The following BTD variants were observed in gnomAD, a reference collection of about 807,000 sequenced individuals.
The protein encoded by BTD is biotinidase, also known as biocytinase.
Under a neutral mutation model 17.7 loss-of-function variants are expected in BTD, and 13 were observed. The ratio of observed to expected loss-of-function variants is 0.74; its 90% CI spans 0.48 to 1.17. The LOEUF is 1.17. Among genes scored for constraint, BTD ranks in the 50% most tolerant of loss-of-function variants. BTD has a pLI of 0.00. For missense variants in BTD, 674 were observed against 650.4 expected, an observed-to-expected ratio of 1.04 and a Z score of -0.39; for synonymous variants, 240 against 245.2, an observed-to-expected ratio of 0.98 and a Z score of 0.20.
In BTD at chr3:15,649,949, A is replaced by G. The variant is rs532981123; in HGVS notation, c.*4461A>G. 3.5e-4 allele frequency among the ~76,000 whole-genome samples: 54 copies of G among 152,308 alleles called. No homozygotes were observed. Among genetic ancestry groups the G allele is most frequent in the Non-Finnish European group, 4.7e-4 (32 of 68,022 alleles). On this transcript the variant is annotated 3_prime_UTR_variant, in exon 4 of 4. Transcript: ENST00000643237. Reference sequence around the variant, plus strand: ...GCCCTAAAGAAGGTTTGCTACAGCTATTTTACAGATGGGGAAAACTGACAG... The same window carrying G: ...GCCCTAAAGAAGGTTTGCTACAGCTGTTTTACAGATGGGGAAAACTGACAG...
At chr3:15,623,950 C>T (rs2065010952) in intron 1 of BTD, among the ~76,000 whole-genome samples, 1 of 152,194 alleles carries the variant, frequency 6.6e-6, no homozygotes, top group South Asian at 2.1e-4. Context: ...TCAGGTAGTT[C>T]TTTATAGCAG....
At chr3:15,606,871 G>A (rs1390717769) in intron 1 of BTD, 1 of 151,954 alleles carries the variant, frequency 6.6e-6, no homozygotes. Context: ...GGCTTTGAAT[G>A]CGGCCCAACA....
rs1010456478 is a variant in BTD, at chr3:15,652,288, T to C, written c.*6800T>C. 6.6e-6 allele frequency among the ~76,000 whole-genome samples: 1 copy of C among 152,114 alleles called. No individual in the cohort carries two copies. Among genetic ancestry groups the C allele is most frequent in the Non-Finnish European group, 1.5e-5 (1 of 68,010 alleles). On this transcript the variant is annotated 3_prime_UTR_variant, in exon 4 of 4. Transcript: ENST00000643237. ...TTACAATGAGCTGAGATAGCACCACTGCACTCCAGTCTGGGCAACAGAGCG... is the reference window on the plus strand; with the variant it reads ...TTACAATGAGCTGAGATAGCACCACCGCACTCCAGTCTGGGCAACAGAGCG...
chr3:15,653,808 C>A (rs2065841573), downstream of BTD, among the ~76,000 whole-genome samples: 1 of 152,216 alleles, frequency 6.6e-6, no homozygotes, highest in African/African-American at 2.4e-5. Flanking sequence ...CTCAAAAAAT[C>A]ACGTGTGAAA....
chr3:15,646,696 T>C lies in BTD; in HGVS notation c.*1208T>C, dbSNP rs1328513078. ...TTAAGTACAGAATGGATAATTAGTC[T>C]TCAGTGATTTGCCTCTTAAATGTGG... On this transcript the variant is annotated 3_prime_UTR_variant, in exon 4 of 4. Transcript: ENST00000643237. The C allele has an allele frequency of 2.0e-5, 3 of 152,258 alleles. No individual in the cohort carries two copies. Among genetic ancestry groups the C allele is most frequent in the Non-Finnish European group, 2.9e-5 (2 of 68,044 alleles). The allele number at this position is 152,258 out of a possible 1,614,324, so 9.4% of individuals were successfully genotyped here. A position where few individuals can be genotyped will look rare whatever the true frequency, so the allele number is the denominator to read the frequency against.
chr3:15,628,010 C>T (rs2065109348), intron 1 of BTD, among the ~76,000 whole-genome samples: 1 of 152,234 alleles, frequency 6.6e-6, no homozygotes, highest in African/African-American at 2.4e-5. Flanking sequence ...GCATGAGCCA[C>T]CATGCCCAGC....
intron 3 of BTD, among the ~76,000 whole-genome samples, chr3:15,660,572 G>T (rs1215565325): frequency 6.6e-6 from 1 of 152,176 alleles, no homozygotes; most frequent in Non-Finnish European, 1.5e-5. Context: ...TGTTGACACA[G>T]AAATTTACAG....
intron 1 of BTD, among the ~76,000 whole-genome samples, chr3:15,622,224 T>G (rs898913673): frequency 2.6e-5 from 4 of 152,208 alleles, no homozygotes; most frequent in Admixed American, 2.0e-4. Context: ...CTTCTTTTTC[T>G]AGTTTCTTGA....
At chr3:15,605,801 TG>T (rs1345049692) in intron 1 of BTD, among the ~76,000 whole-genome samples, 1 of 152,056 alleles carries the variant, frequency 6.6e-6, no homozygotes, top group African/African-American at 2.4e-5. Flanking sequence ...CCCAGCACTT[TG>T]GGAGGCCGAG....
chr3:15,644,539 A>T lies in BTD; in HGVS notation c.623A>T (p.Asp208Val). The T allele has an allele frequency of 1.2e-6, 2 of 1,614,034 alleles. No homozygotes were observed. The highest frequency in any genetic ancestry group is 1.1e-5 in the South Asian group (1 of 91,078). ...EAAFDVPLKV[D>V]LITFDTPFAG... ...GCATTCGATGTTCCTCTTAAAGTGG[A>T]TCTCATCACCTTTGATACCCCCTTT... The change falls in exon 4 of 4, where the codon GAT (aspartate) becomes GTT (valine). Residue 208 changes from aspartate (D) to valine (V), a missense_variant. Transcript: ENST00000643237.
rs116395353 is a variant in BTD at position 15,670,901 on chromosome 3, T to A, written c.399+28844T>A. ...ACATATCGTGAATATTCTTTCAGGA[T>A]GGTAGGCAGAGATTTACTGTTAATT... On this transcript the variant is annotated intron_variant, in intron 3 of 3. Coordinates refer to the BTD transcript ENST00000672141. Among the ~76,000 whole-genome samples the A allele has an allele frequency of 4.4e-3, 666 of 152,350 alleles. 6 individuals carry two copies. The highest frequency in any genetic ancestry group is 0.015 in the African/African-American group (618 of 41,580).
chr3:15,712,141 T>C (rs1255545458), exon 4 of BTD: 8 of 1,571,000 alleles, frequency 5.1e-6, no homozygotes, highest in African/African-American at 1.4e-5. Context: ...TACACTTACC[T>C]GAAGAAAGAA....
downstream of BTD, among the ~76,000 whole-genome samples, chr3:15,655,035 C>T (rs1471496931): frequency 6.6e-6 from 1 of 152,136 alleles, no homozygotes; most frequent in Non-Finnish European, 1.5e-5. Context: ...GCCCGGCCTG[C>T]ATCAGTTTTT....
intron 3 of BTD, chr3:15,677,528 A>G (rs1339493120): frequency 5.6e-6 from 9 of 1,613,102 alleles, no homozygotes; most frequent in African/African-American, 4.0e-5. Flanking sequence ...TATCTTGTAA[A>G]GTCAGTTCTG....
intron 4 of BTD, among the ~76,000 whole-genome samples, chr3:15,720,462 T>C (rs2073594999): frequency 6.6e-6 from 1 of 152,210 alleles, no homozygotes. Context: ...AAACACAACA[T>C]TAACTAGGGT....
At chr3:15,655,568 G>T (rs1250419007), downstream of BTD, among the ~76,000 whole-genome samples, 1 of 152,174 alleles carries the variant, frequency 6.6e-6, no homozygotes, top group Non-Finnish European at 1.5e-5. Flanking sequence ...CGCTGGCTTG[G>T]GAGCCCAGAG....
At position 15,645,152 on chromosome 3, in the gene BTD, C is replaced by A. The variant is rs1575030932; in HGVS notation, c.1236C>A (p.Thr412=). The change falls in exon 4 of 4, where the codon ACC becomes ACA. Residue 412 remains threonine (T), a synonymous_variant. Transcript: ENST00000643237. The part of the protein sequence containing the change: ...LCCYLLYERP[T]LSKELYALGV... ...GTTATTTACTTTACGAGAGGCCCAC[C>A]TTATCCAAAGAGCTGTATGCCCTGG... 6.2e-7 allele frequency: 1 copy of A among 1,614,078 alleles called. No homozygotes were observed. The highest frequency in any genetic ancestry group is 8.5e-7 in the Non-Finnish European group (1 of 1,180,044).
chr3:15,720,090 C>T (rs1346583541), intron 4 of BTD, among the ~76,000 whole-genome samples: 2 of 152,028 alleles, frequency 1.3e-5, no homozygotes, highest in Admixed American at 1.3e-4. Context: ...TCCTGAATTC[C>T]TAGGCTCAAG....
At chr3:15,624,871 T>G (rs1197564242) in intron 1 of BTD, among the ~76,000 whole-genome samples, 1 of 152,210 alleles carries the variant, frequency 6.6e-6, no homozygotes. Flanking sequence ...TAGCTGGGAC[T>G]ATAGGCGTGT....
Sources: allele counts gnomAD v4.1 joint callset (sites outside exome capture counted in the v4.1 genomes callset), GRCh38; gene constraint gnomAD v4.1.1; transcripts MANE v1.5; gene names NCBI Gene and HGNC (gene_info 2026-07-23, HGNC 2026-07-21).